Variants in ASAP1 observed in about 807,000 individuals in gnomAD.
The protein encoded by ASAP1 is arf-GAP with SH3 domain, ANK repeat and PH domain-containing protein 1.
Under a neutral mutation model 145.2 loss-of-function variants are expected in ASAP1, and 43 were observed. The ratio of observed to expected loss-of-function variants is 0.30; its 90% CI spans 0.23 to 0.38. ASAP1 has a LOEUF of 0.38. Among genes scored for constraint, ASAP1 ranks in the 10% least tolerant of loss-of-function variants. The pLI is 1.00. For missense variants in ASAP1, 1,018 were observed against 1,355.3 expected (o/e 0.75, Z 3.91); for synonymous variants, 546 against 515.5 (o/e 1.06, Z -0.80).
At chr8:130,164,700 T>C (rs116809934) in intron 11 of ASAP1, among the ~76,000 whole-genome samples, 1,697 of 152,336 alleles carry the variant, frequency 0.011, 28 homozygotes, top group African/African-American at 0.039. Context: ...GAACATTTAT[T>C]TGCTAAGACA....
At chr8:130,259,015 T>C (rs969566577) in intron 3 of ASAP1, among the ~76,000 whole-genome samples, 23 of 152,268 alleles carry the variant, frequency 1.5e-4, no homozygotes, top group Admixed American at 3.9e-4. Context: ...CATTTGCTTA[T>C]GGTATTTTAA....
chr8:130,234,967 G>A (rs1017281), intron 4 of ASAP1, among the ~76,000 whole-genome samples: 57,084 of 152,048 alleles, frequency 0.38, 11,220 homozygotes, highest in East Asian at 0.59. Flanking sequence ...CCATTTGTTA[G>A]GCACCTACTA....
intron 3 of ASAP1, among the ~76,000 whole-genome samples, chr8:130,281,245 A>G (rs1821226017): frequency 6.6e-6 from 1 of 152,162 alleles, no homozygotes; most frequent in Non-Finnish European, 1.5e-5. Flanking sequence ...CTACAACTCA[A>G]TAAAATTAGT....
chr8:130,248,088 G>T (rs1020802276), intron 3 of ASAP1, among the ~76,000 whole-genome samples: 4 of 152,054 alleles, frequency 2.6e-5, no homozygotes, highest in African/African-American at 9.7e-5. Flanking sequence ...GCCTATCTGT[G>T]GCATCAGGAA....
intron 26 of ASAP1, among the ~76,000 whole-genome samples, chr8:130,078,512 C>T (rs987197289): frequency 2.6e-5 from 4 of 151,934 alleles, no homozygotes; most frequent in Non-Finnish European, 2.9e-5. Flanking sequence ...CCTCAAACTT[C>T]GGGGCTCAAG....
chr8:130,406,478 T>TC (rs1296720508), intron 1 of ASAP1, among the ~76,000 whole-genome samples: 5 of 150,194 alleles, frequency 3.3e-5, no homozygotes, highest in Admixed American at 2.7e-4. Context: ...TTTAGTTCTT[T>TC]TTTTTTTTTT....
intron 27 of ASAP1, among the ~76,000 whole-genome samples, chr8:130,062,750 T>C (rs1225487955): frequency 6.6e-6 from 1 of 152,220 alleles, no homozygotes; most frequent in African/African-American, 2.4e-5. Flanking sequence ...CTAGAGTGTT[T>C]GGCACAGTAC....
chr8:130,054,732 T>C lies in ASAP1; in HGVS notation c.3389A>G (p.Ter1130TrpextTer6). 6.2e-7 allele frequency: 1 copy of C among 1,613,228 alleles called. No homozygotes were observed. Among genetic ancestry groups the C allele is most frequent in the Non-Finnish European group, 8.5e-7 (1 of 1,179,254 alleles). The change falls in exon 30 of 30, where the codon TAG becomes TGG. Residue 1130 changes from the stop codon to tryptophan (W), a stop_lost. Coordinates refer to ENST00000518721, the MANE Select transcript of ASAP1 (RefSeq NM_018482.4). ...ACAATCTTAAGGTTCTGCGTTTTGCTAGTCAGACAGGATATGAACAAAGGA... is the reference window on the plus strand; with the variant it reads ...ACAATCTTAAGGTTCTGCGTTTTGCCAGTCAGACAGGATATGAACAAAGGA... ...PVSFVHILSD[*>W]
At chr8:130,132,803 T>C (rs1564997815) in intron 15 of ASAP1, among the ~76,000 whole-genome samples, 1 of 151,734 alleles carries the variant, frequency 6.6e-6, no homozygotes, top group Non-Finnish European at 1.5e-5. Context: ...TCCTTTTCCT[T>C]TGTCTTTCTA....
At chr8:130,246,628 C>G (rs917100253) in intron 3 of ASAP1, among the ~76,000 whole-genome samples, 1 of 152,146 alleles carries the variant, frequency 6.6e-6, no homozygotes, top group African/African-American at 2.4e-5. Flanking sequence ...TCCCCAGCCA[C>G]GCGGAACTGT....
At chr8:130,274,636 A>G (rs899202714) in intron 3 of ASAP1, among the ~76,000 whole-genome samples, 1 of 152,228 alleles carries the variant, frequency 6.6e-6, no homozygotes, top group Non-Finnish European at 1.5e-5. Flanking sequence ...GAGAATTAAT[A>G]CTGGATGACA....
At chr8:130,299,495 C>T (rs907761849) in intron 3 of ASAP1, among the ~76,000 whole-genome samples, 2 of 152,226 alleles carry the variant, frequency 1.3e-5, no homozygotes, top group African/African-American at 4.8e-5. Flanking sequence ...CCTTTCTCAT[C>T]CTCATCCCCT....
At chr8:130,375,791 T>C (rs555086854) in intron 2 of ASAP1, among the ~76,000 whole-genome samples, 108 of 152,250 alleles carry the variant, frequency 7.1e-4, no homozygotes, top group African/African-American at 2.3e-3. Context: ...CACAAGGAAA[T>C]TGAGGCACAG....
At chr8:130,054,876 A>G in intron 29 of ASAP1, 71 bp from the exon 30 acceptor site, 1 of 1,259,072 alleles carries the variant, frequency 7.9e-7, no homozygotes. Context: ...CCAGTGGGTA[A>G]GAGCCCAGCC....
intron 3 of ASAP1, among the ~76,000 whole-genome samples, chr8:130,298,337 A>G (rs532527369): frequency 6.0e-4 from 91 of 152,346 alleles, no homozygotes; most frequent in African/African-American, 2.1e-3. Context: ...AGGCAGGACA[A>G]GCCCTCATTT....
At chr8:130,421,546 TAAG>T (rs1041156090) in intron 1 of ASAP1, among the ~76,000 whole-genome samples, 5 of 152,184 alleles carry the variant, frequency 3.3e-5, no homozygotes, top group African/African-American at 1.2e-4. Flanking sequence ...CCAAGGTTTT[TAAG>T]AAGTGGGTGT....
At chr8:130,061,923 G>A (rs1368249430) in intron 27 of ASAP1, among the ~76,000 whole-genome samples, 1 of 152,090 alleles carries the variant, frequency 6.6e-6, no homozygotes, top group Admixed American at 6.6e-5. Flanking sequence ...TCCAATTTTA[G>A]CTCCACCACT....
intron 2 of ASAP1, among the ~76,000 whole-genome samples, chr8:130,373,346 T>A (rs1186029193): frequency 2.0e-5 from 3 of 152,192 alleles, no homozygotes; most frequent in African/African-American, 7.2e-5. Context: ...TTTGGTGAGC[T>A]AGTTTTTAGA....
intron 3 of ASAP1, among the ~76,000 whole-genome samples, chr8:130,316,013 C>A (rs574328091): frequency 6.6e-6 from 1 of 152,048 alleles, no homozygotes; most frequent in Non-Finnish European, 1.5e-5. Context: ...CTGCAGAGGA[C>A]CAACTCATCA....
Sources: allele counts gnomAD v4.1 joint callset (sites outside exome capture counted in the v4.1 genomes callset), GRCh38; gene constraint gnomAD v4.1.1; transcripts MANE v1.5; gene names NCBI Gene and HGNC (gene_info 2026-07-23, HGNC 2026-07-21).